HAPLN1: variants seen among roughly 807,000 people sequenced by gnomAD.
The protein encoded by HAPLN1 is hyaluronan and proteoglycan link protein 1, also known as Cartilage link protein.
In HAPLN1, 13 loss-of-function variants were observed where a neutral mutation model predicts 36.5. That is an observed-to-expected ratio of 0.36 (90% CI 0.23 to 0.57). The LOEUF (loss-of-function observed/expected upper bound fraction) is 0.57. HAPLN1 is among the 20% of genes least tolerant of loss of function. The pLI is 0.83. For synonymous variants in HAPLN1, 202 were observed against 169.8 expected (o/e 1.19, Z -1.48); for missense variants, 407 against 439.7 (o/e 0.93, Z 0.66).
chr5:83,718,095 AAAAC>A (rs753180507), intron 1 of HAPLN1, among the ~76,000 whole-genome samples: 7 of 152,336 alleles, frequency 4.6e-5, no homozygotes, highest in South Asian at 4.1e-4. Flanking sequence ...CTGTCTGTCT[AAAAC>A]AAATCCTATA....
chr5:83,701,141 C>T (rs1751499178), intron 1 of HAPLN1, among the ~76,000 whole-genome samples: 1 of 152,160 alleles, frequency 6.6e-6, no homozygotes, highest in South Asian at 2.1e-4. Context: ...TGCAATGTGA[C>T]TTGAGAGCTA....
At position 83,699,437 on chromosome 5, in the gene HAPLN1, C is replaced by T. The variant is rs928188072; in HGVS notation, c.-27+21352G>A. ...TGTTTTACTTCTAGCAGAAATCTTG[C>T]GGGCTAGTTAGAAAGCTGCTCTGCT... On this transcript the variant is annotated intron_variant, in intron 1 of 4. Coordinates refer to ENST00000274341, the MANE Select transcript of HAPLN1 (RefSeq NM_001884.4). Among the ~76,000 whole-genome samples the T allele has an allele frequency of 3.9e-5, 6 of 152,214 alleles. No individual in the cohort carries two copies. In the South Asian group the frequency reaches 6.2e-4, roughly 16 times the overall value.
At chr5:83,701,954 ACAC>A (rs1751518826) in intron 1 of HAPLN1, among the ~76,000 whole-genome samples, 1 of 151,416 alleles carries the variant, frequency 6.6e-6, no homozygotes, top group Admixed American at 6.6e-5. Flanking sequence ...ACACACACAC[ACAC>A]AAAATCTATA....
At chr5:83,717,479 A>AT (rs1399430788) in intron 1 of HAPLN1, among the ~76,000 whole-genome samples, 2 of 151,956 alleles carry the variant, frequency 1.3e-5, no homozygotes, top group Admixed American at 6.6e-5. Context: ...CAAATTCATC[A>AT]TTTTTTTCTA....
At chr5:83,650,966 A>G (rs953696314) in intron 3 of HAPLN1, among the ~76,000 whole-genome samples, 1 of 152,038 alleles carries the variant, frequency 6.6e-6, no homozygotes, top group Non-Finnish European at 1.5e-5. Flanking sequence ...TTATACTGTA[A>G]CATAGGTTGA....
chr5:83,673,590 A>T lies in HAPLN1; in HGVS notation c.-26-41T>A, dbSNP rs1750786917. The T allele has an allele frequency of 2.5e-6, 3 of 1,189,196 alleles. No individual in the cohort carries two copies. The South Asian group carries it at 3.7e-5, about 15-fold the overall frequency. 73.7% of individuals were successfully genotyped at this position (1,189,196 alleles called of 1,614,324 possible). ...ATACAAAGAGGCTTGTGAGATTTGG[A>T]ACCCTTTGGAGTGTTGCACTGCACA... On this transcript the variant is annotated intron_variant, in intron 1 of 4. Transcript: ENST00000274341.
At chr5:83,648,660 C>T (rs1749957878) in intron 3 of HAPLN1, among the ~76,000 whole-genome samples, 1 of 151,792 alleles carries the variant, frequency 6.6e-6, no homozygotes, top group Admixed American at 6.6e-5. Flanking sequence ...GTTGGAAAAG[C>T]AGCTCAGTCA....
rs1267883310 is a variant in HAPLN1 at position 83,652,466 on chromosome 5, T to G, written c.459A>C (p.Ala153=). ...ATAGATACATACCTTGTAAGTCCAG[T>G]GCTACCACAACAGTATCATCTTCTA... ...EGLEDDTVVV[A]LDLQGVVFPY... is the part of the protein sequence containing the mutation. Residue 153 remains alanine, a synonymous_variant, in exon 3 of 5, where the codon GCA becomes GCC. Coordinates refer to ENST00000274341, the MANE Select transcript of HAPLN1 (RefSeq NM_001884.4). 6.2e-7 allele frequency: 1 copy of G among 1,613,188 alleles called. No individual in the cohort carries two copies. Among genetic ancestry groups the G allele is most frequent in the African/African-American group, 1.3e-5 (1 of 75,056 alleles).
chr5:83,714,091 A>G (rs1227877116), intron 1 of HAPLN1, among the ~76,000 whole-genome samples: 3 of 152,094 alleles, frequency 2.0e-5, no homozygotes, highest in Non-Finnish European at 4.4e-5. Flanking sequence ...GAAAGTCAGG[A>G]CACCCCCGAA....
At chr5:83,652,385 C>T in intron 3 of HAPLN1, 68 bp downstream of exon 3, 2 of 1,480,480 alleles carry the variant, frequency 1.4e-6, no homozygotes, top group Admixed American at 2.1e-5. Context: ...CTAGACATTA[C>T]TCTTCATGAA....
At chr5:83,682,489 G>T (rs907419644) in intron 1 of HAPLN1, 4 of 152,120 alleles carry the variant, frequency 2.6e-5, no homozygotes, top group African/African-American at 9.7e-5. Flanking sequence ...ATATATTAAT[G>T]GTTTTTAGCA....
At chr5:83,674,961 G>T (rs1442416169) in intron 1 of HAPLN1, 1 of 152,194 alleles carries the variant, frequency 6.6e-6, no homozygotes, top group African/African-American at 2.4e-5. Flanking sequence ...ACATAAAGAA[G>T]ATGGTAGATA....
At chr5:83,695,012 T>C (rs961661109) in intron 1 of HAPLN1, among the ~76,000 whole-genome samples, 1 of 152,062 alleles carries the variant, frequency 6.6e-6, no homozygotes, top group Non-Finnish European at 1.5e-5. Context: ...AACGTAAAAA[T>C]TTTAACAAAA....
intron 1 of HAPLN1, among the ~76,000 whole-genome samples, chr5:83,698,083 T>A (rs1200071129): frequency 6.6e-6 from 1 of 152,174 alleles, no homozygotes; most frequent in Non-Finnish European, 1.5e-5. Flanking sequence ...AGGAAACCAC[T>A]GCTTAATCAA....
rs996599290 is a variant in HAPLN1, at chr5:83,638,736, G to T, written c.*2760C>A. 1 of 152,036 alleles carries T rather than the reference G, an allele frequency of 6.6e-6. No homozygotes were observed. The highest frequency in any genetic ancestry group is 2.4e-5 in the African/African-American group (1 of 41,432). 9.4% of individuals were successfully genotyped at this position (152,036 alleles called of 1,614,324 possible). On this transcript the variant is annotated 3_prime_UTR_variant, in exon 5 of 5. Coordinates refer to ENST00000274341, the MANE Select transcript of HAPLN1 (RefSeq NM_001884.4). ...TGAGAGAAAGTTTAAATTTACAAAC[G>T]CCATATTTGGCTAAAAATTACTGTG...
At chr5:83,718,702 A>T (rs1392670156) in intron 1 of HAPLN1, among the ~76,000 whole-genome samples, 2 of 152,332 alleles carry the variant, frequency 1.3e-5, no homozygotes, top group African/African-American at 4.8e-5. Flanking sequence ...TCAGAAAATT[A>T]ATTTGAAGCA....
intron 1 of HAPLN1, among the ~76,000 whole-genome samples, chr5:83,712,624 G>C (rs1751817471): frequency 6.6e-6 from 1 of 151,918 alleles, no homozygotes; most frequent in Admixed American, 6.6e-5. Context: ...CCTGTAGAAG[G>C]AGAGTGTTCA....
chr5:83,714,472 C>G (rs1015262843), intron 1 of HAPLN1, among the ~76,000 whole-genome samples: 2 of 152,238 alleles, frequency 1.3e-5, no homozygotes, highest in South Asian at 4.1e-4. Flanking sequence ...ATTCATGTCA[C>G]TTTTATAAAG....
intron 4 of HAPLN1, among the ~76,000 whole-genome samples, chr5:83,644,019 A>C (rs553988521): frequency 6.6e-6 from 1 of 152,330 alleles, no homozygotes; most frequent in East Asian, 1.9e-4. Flanking sequence ...AGGCACGCTT[A>C]CTTTGATTGA....
Sources: gnomAD v4.1 joint callset for allele counts (sites outside exome capture counted in the v4.1 genomes callset) on GRCh38, gnomAD v4.1.1 for gene constraint, MANE v1.5 for transcripts, NCBI Gene and HGNC (gene_info 2026-07-23, HGNC 2026-07-21) for gene names.